Variants in TOX2 observed in about 807,000 individuals in gnomAD.
TOX2 encodes granulosa cell HMG box 1.
In TOX2, 15 loss-of-function variants were observed where a neutral mutation model predicts 47.4. The ratio of observed to expected loss-of-function variants is 0.32; its 90% confidence interval spans 0.21 to 0.49. The LOEUF (loss-of-function observed/expected upper bound fraction) is 0.49, where lower values mean the gene tolerates loss of function less well. TOX2 is among the 20% of genes least tolerant of loss of function. The pLI is 0.99. For missense variants in TOX2, 622 were observed against 673.1 expected (o/e 0.92, Z 0.84); for synonymous variants, 290 against 296.6 (o/e 0.98, Z 0.23).
intron 2 of TOX2, among the ~76,000 whole-genome samples, chr20:44,003,348 G>A (rs1460492879): frequency 1.3e-5 from 2 of 151,988 alleles, no homozygotes; most frequent in African/African-American, 2.4e-5. Flanking sequence ...CACACACCCA[G>A]TGAATTTTTG....
At chr20:44,003,061 A>T (rs6017239) in intron 2 of TOX2, among the ~76,000 whole-genome samples, 8,750 of 152,192 alleles carry the variant, frequency 0.057, 567 homozygotes, top group African/African-American at 0.16. Flanking sequence ...CTGGCTCCTA[A>T]CCACTGCACT....
At chr20:44,030,023 A>T (rs942950072) in intron 3 of TOX2, among the ~76,000 whole-genome samples, 2 of 152,010 alleles carry the variant, frequency 1.3e-5, no homozygotes, top group Admixed American at 6.6e-5. Flanking sequence ...CCGATGCTCC[A>T]CGCTCATGGC....
intron 3 of TOX2, among the ~76,000 whole-genome samples, chr20:44,030,289 A>T (rs1209516638): frequency 2.6e-5 from 4 of 151,882 alleles, no homozygotes; most frequent in Non-Finnish European, 4.4e-5. Flanking sequence ...CTCTCCCTCC[A>T]TCTCTTGCTT....
chr20:44,040,038 G>C (rs1207002112), intron 3 of TOX2, among the ~76,000 whole-genome samples: 2 of 152,350 alleles, frequency 1.3e-5, no homozygotes, highest in African/African-American at 4.8e-5. Flanking sequence ...GCAGCGGGGT[G>C]TGGGTTCTGA....
chr20:43,917,861 T>C (rs368484751), intron 1 of TOX2, among the ~76,000 whole-genome samples: 2 of 152,324 alleles, frequency 1.3e-5, no homozygotes, highest in Non-Finnish European at 1.5e-5. Context: ...TACTATTTAA[T>C]GTAATAAAGG....
intron 5 of TOX2, among the ~76,000 whole-genome samples, chr20:44,064,053 A>G (rs1314769468): frequency 6.6e-6 from 1 of 152,238 alleles, no homozygotes; most frequent in African/African-American, 2.4e-5. Flanking sequence ...TACAGTGTAC[A>G]CTGCTCAGGT....
intron 2 of TOX2, among the ~76,000 whole-genome samples, chr20:43,997,174 A>G (rs2070496127): frequency 6.6e-6 from 1 of 152,226 alleles, no homozygotes; most frequent in African/African-American, 2.4e-5. Flanking sequence ...GATAGTCAAA[A>G]TGGCAGCCTG....
chr20:43,935,927 C>CAA (rs58300627), intron 1 of TOX2, among the ~76,000 whole-genome samples: 36 of 71,994 alleles, frequency 5.0e-4, no homozygotes, highest in African/African-American at 6.0e-4. Context: ...AACTCCATCC[C>CAA]AAAAAAAAAA....
chr20:44,047,174 C>G (rs2071423867), intron 3 of TOX2, among the ~76,000 whole-genome samples: 1 of 152,184 alleles, frequency 6.6e-6, no homozygotes, highest in Non-Finnish European at 1.5e-5. Context: ...TTCTCAACCT[C>G]AGCACTATTG....
chr20:44,064,435 C>T (rs533371212), intron 5 of TOX2, among the ~76,000 whole-genome samples: 3 of 152,310 alleles, frequency 2.0e-5, no homozygotes, highest in South Asian at 4.1e-4. Flanking sequence ...GAAGGTGGTT[C>T]GGCATTAAGA....
At chr20:43,929,647 G>C (rs1219339807) in intron 1 of TOX2, among the ~76,000 whole-genome samples, 1 of 152,118 alleles carries the variant, frequency 6.6e-6, no homozygotes, top group Non-Finnish European at 1.5e-5. Flanking sequence ...CTGCTCATCT[G>C]TGCAGTTGTC....
chr20:43,917,901 C>A (rs2069075438), intron 1 of TOX2, among the ~76,000 whole-genome samples: 2 of 152,186 alleles, frequency 1.3e-5, no homozygotes, highest in Admixed American at 1.3e-4. Flanking sequence ...TTTGTGGCCC[C>A]ATGGCTCCCA....
At chr20:43,964,614 C>A (rs1334286295) in intron 1 of TOX2, among the ~76,000 whole-genome samples, 1 of 152,182 alleles carries the variant, frequency 6.6e-6, no homozygotes, top group Non-Finnish European at 1.5e-5. Context: ...AGGGGAGGAG[C>A]AACAGCTTCT....
chr20:44,006,318 C>T (rs567684468), intron 2 of TOX2, among the ~76,000 whole-genome samples: 1 of 152,286 alleles, frequency 6.6e-6, no homozygotes, highest in Admixed American at 6.5e-5. Flanking sequence ...GGAGGGCAGG[C>T]TTCTGTGTGC....
At chr20:43,949,909 A>T (rs2069531492) in intron 1 of TOX2, among the ~76,000 whole-genome samples, 1 of 152,134 alleles carries the variant, frequency 6.6e-6, no homozygotes. Context: ...AGAAATGTTA[A>T]TTTAGGCAGT....
At chr20:44,061,122 C>CTT (rs2071711242) in intron 5 of TOX2, among the ~76,000 whole-genome samples, 3 of 152,056 alleles carry the variant, frequency 2.0e-5, no homozygotes, top group Admixed American at 2.0e-4. Context: ...CTATGAACAC[C>CTT]TTTATGTACA....
At chr20:44,067,922 C>G (rs2071860424) in intron 8 of TOX2, among the ~76,000 whole-genome samples, 1 of 152,226 alleles carries the variant, frequency 6.6e-6, no homozygotes, top group African/African-American at 2.4e-5. Context: ...TGTCGGGTGG[C>G]CACCTTGCTG....
At chr20:44,060,590 A>G (rs910306197) in intron 5 of TOX2, among the ~76,000 whole-genome samples, 2 of 152,216 alleles carry the variant, frequency 1.3e-5, no homozygotes, top group Admixed American at 1.3e-4. Flanking sequence ...ACTGGAAATC[A>G]ACTCCAAAAG....
chr20:43,938,126 G>A (rs896551653), intron 1 of TOX2, among the ~76,000 whole-genome samples: 5 of 152,168 alleles, frequency 3.3e-5, no homozygotes, highest in Admixed American at 6.5e-5. Flanking sequence ...GTGACTGCAC[G>A]GTGGAGTGAA....
Sources: allele counts gnomAD v4.1 joint callset (sites outside exome capture counted in the v4.1 genomes callset), GRCh38; gene constraint gnomAD v4.1.1; transcripts MANE v1.5; gene names NCBI Gene and HGNC (gene_info 2026-07-23, HGNC 2026-07-21).